KIF13B: variants seen among roughly 807,000 people sequenced by gnomAD.
KIF13B encodes the protein kinesin family member 13B, also known as kinesin-like protein KIF13B.
A neutral mutation model predicts 222.0 loss-of-function variants in KIF13B; 127 were observed. The ratio of observed to expected loss-of-function variants is 0.57; its 90% CI spans 0.50 to 0.66. The LOEUF (loss-of-function observed/expected upper bound fraction) is 0.66. KIF13B is among the 30% of genes least tolerant of loss of function. KIF13B has a pLI of 0.00. For missense variants in KIF13B, 2,173 were observed against 2,379.0 expected (o/e 0.91, Z 1.80); for synonymous variants, 976 against 919.0 (o/e 1.06, Z -1.12).
intron 2 of KIF13B, among the ~76,000 whole-genome samples, chr8:29,202,442 C>G (rs955132376): frequency 6.6e-6 from 1 of 152,100 alleles, no homozygotes; most frequent in African/African-American, 2.4e-5. Context: ...CTCAGCCTCC[C>G]AAGTAGCTGG....
chr8:29,255,577 TA>T (rs554446934), intron 1 of KIF13B, among the ~76,000 whole-genome samples: 44 of 151,790 alleles, frequency 2.9e-4, no homozygotes, highest in Non-Finnish European at 5.0e-4. Flanking sequence ...CTTTTTTTTT[TA>T]AAAAAAGGTA....
chr8:29,177,537 T>C lies in KIF13B; in HGVS notation c.762A>G (p.Leu254=). ...TCTTCGTTGCTCGTTCACTGCCAGC[T>C]AAATCCACCAGGCTGAGTTTGCCCA... The part of the protein sequence containing the change: ...EKVGKLSLVD[L]AGSERATKTG... The change falls in exon 9 of 40, where the codon TTA becomes TTG. Residue 254 remains leucine (L), a synonymous_variant. Coordinates refer to ENST00000524189, the MANE Select transcript of KIF13B (RefSeq NM_015254.4). 2 of 1,613,896 alleles carry C rather than the reference T, an allele frequency of 1.2e-6. No homozygotes were observed. The highest frequency in any genetic ancestry group is 3.3e-5 in the Admixed American group (2 of 60,034).
At chr8:29,080,801 T>C (rs1386109236) in intron 37 of KIF13B, among the ~76,000 whole-genome samples, 1 of 152,144 alleles carries the variant, frequency 6.6e-6, no homozygotes, top group East Asian at 1.9e-4. Context: ...ACTGTGCCCC[T>C]GCCTGCCACA....
chr8:29,126,755 C>T (rs1038684081), intron 25 of KIF13B, among the ~76,000 whole-genome samples: 2 of 152,130 alleles, frequency 1.3e-5, no homozygotes, highest in Non-Finnish European at 2.9e-5. Context: ...GCTCTCCCTG[C>T]TGGGTTTATA....
At chr8:29,237,244 G>T (rs536478662) in intron 2 of KIF13B, among the ~76,000 whole-genome samples, 2 of 151,526 alleles carry the variant, frequency 1.3e-5, no homozygotes, top group Non-Finnish European at 2.9e-5. Flanking sequence ...GACAAAGAGC[G>T]CTAAAAAAGT....
intron 14 of KIF13B, among the ~76,000 whole-genome samples, chr8:29,155,469 C>A (rs951330508): frequency 2.0e-5 from 3 of 152,120 alleles, no homozygotes; most frequent in African/African-American, 7.2e-5. Flanking sequence ...GGTGAGTGAA[C>A]CAGGAGGCAG....
chr8:29,216,743 C>CA (rs1426133735), intron 2 of KIF13B, among the ~76,000 whole-genome samples: 19 of 152,174 alleles, frequency 1.2e-4, no homozygotes, highest in African/African-American at 4.3e-4. Flanking sequence ...ATGCTTGTTT[C>CA]AAATTATCTT....
intron 2 of KIF13B, among the ~76,000 whole-genome samples, chr8:29,221,371 G>A (rs1239510303): frequency 1.3e-5 from 2 of 151,388 alleles, no homozygotes; most frequent in Non-Finnish European, 2.9e-5. Flanking sequence ...CCAAAATGCT[G>A]GGATTACAGG....
chr8:29,239,590 C>T (rs1300513343), intron 2 of KIF13B, among the ~76,000 whole-genome samples: 3 of 152,164 alleles, frequency 2.0e-5, no homozygotes, highest in Non-Finnish European at 2.9e-5. Context: ...GTACTATGTT[C>T]ACTGTCTGGA....
intron 21 of KIF13B, among the ~76,000 whole-genome samples, chr8:29,138,052 A>G (rs939129433): frequency 6.6e-6 from 1 of 152,230 alleles, no homozygotes; most frequent in Non-Finnish European, 1.5e-5. Flanking sequence ...AAACCAATTC[A>G]TTATTTTAAA....
chr8:29,123,544 C>CT lies in KIF13B; in HGVS notation c.3353-53dup, dbSNP rs1427856231. On this transcript the variant is annotated intron_variant, in intron 27 of 39. Coordinates refer to ENST00000524189, the MANE Select transcript of KIF13B (RefSeq NM_015254.4). The stretch of plus-strand genomic sequence containing the variant: ...TGACAAAACTTCACTTGCCATTTAT[C>CT]TTTTTGTCCTGAGTAAAGACTGGAT... 5 of 1,606,964 alleles carry CT rather than the reference C, an allele frequency of 3.1e-6. No homozygotes were observed. The African/African-American group carries it at 5.3e-5, about 17-fold the overall frequency.
At position 29,071,531 on chromosome 8, in the gene KIF13B, CCCGGACCCTGT is replaced by C; in HGVS notation, c.5218+78_5218+88del. On this transcript the variant is annotated intron_variant, in intron 39 of 39. Coordinates refer to ENST00000524189, the MANE Select transcript of KIF13B (RefSeq NM_015254.4). The surrounding 1 kb of genome is among the most constrained non-coding windows in gnomAD (Gnocchi z 4.9). ...TGCCTCCCGGCCCCTCCCTCTCCTG[CCCGGACCCTGT>C]CCCCTCCCAGGCCGGCCACGTTCCT... 2.4e-6 allele frequency: 3 copies of C among 1,242,334 alleles called. No homozygotes were observed. The highest frequency in any genetic ancestry group is 2.3e-6 in the Non-Finnish European group (2 of 883,120). 77.0% of individuals were successfully genotyped at this position (1,242,334 alleles called of 1,614,324 possible).
intron 36 of KIF13B, among the ~76,000 whole-genome samples, chr8:29,097,929 TG>T (rs918592424): frequency 6.6e-6 from 1 of 151,988 alleles, no homozygotes; most frequent in African/African-American, 2.4e-5. Context: ...CCCAGCACTT[TG>T]GGAGGCCAAG....
In KIF13B at chr8:29,186,492, A is replaced by G. The variant is rs1248597026; in HGVS notation, c.317-20T>C. ...CAGAGCCTAAAAAAATGGAAATCAG[A>G]GTTACTATTGTCTCTTTGAGACGTT... is the stretch of plus-strand genomic sequence containing the variant. On this transcript the variant is annotated intron_variant, in intron 5 of 39. Transcript: ENST00000524189. The G allele has an allele frequency of 6.3e-7, 1 of 1,592,250 alleles. No individual in the cohort carries two copies. Among genetic ancestry groups the G allele is most frequent in the South Asian group, 1.1e-5 (1 of 87,088 alleles).
At chr8:29,241,205 T>C (rs1815762667) in intron 2 of KIF13B, among the ~76,000 whole-genome samples, 1 of 152,206 alleles carries the variant, frequency 6.6e-6, no homozygotes, top group African/African-American at 2.4e-5. Context: ...CCACATCATG[T>C]ATGATTTCAT....
At chr8:29,150,169 C>T (rs1293999088) in intron 15 of KIF13B, 128 bp downstream of exon 15, 1 of 596,968 alleles carries the variant, frequency 1.7e-6, no homozygotes, top group East Asian at 2.9e-5. Flanking sequence ...AATACACATG[C>T]AGCAAATATA....
At position 29,155,823 on chromosome 8, in the gene KIF13B, C is replaced by G; in HGVS notation, c.1438G>C (p.Asp480His). 1.3e-6 allele frequency: 2 copies of G among 1,586,492 alleles called. No homozygotes were observed. Among genetic ancestry groups the G allele is most frequent in the Non-Finnish European group, 1.7e-6 (2 of 1,164,648 alleles). Residue 480 changes from aspartate (D) to histidine (H), a missense_variant, in exon 14 of 40, where the codon GAT becomes CAT. Physicochemically the swap from Asp to His is moderately conservative, Grantham distance 81. Around this residue, in one of 2 missense-constraint regions of KIF13B, gnomAD observed 1,480 missense variants for 1,722.8 expected, o/e 0.86. Coordinates refer to ENST00000524189, the MANE Select transcript of KIF13B (RefSeq NM_015254.4). ...ATTCCCATGCCGCACAGTTGGATAT[C>G]TTGGGAATTTGCTGACCCTATCAAT... ...HTLIGSANSQ[D>H]IQLCGMGILP...
chr8:29,121,976 C>T (rs927727933), intron 29 of KIF13B, among the ~76,000 whole-genome samples: 2 of 152,120 alleles, frequency 1.3e-5, no homozygotes, highest in African/African-American at 4.8e-5. Flanking sequence ...AAGAAGAAGC[C>T]GGGCGCAGTG....
chr8:29,204,652 T>C (rs1391445820), intron 2 of KIF13B, among the ~76,000 whole-genome samples: 1 of 152,218 alleles, frequency 6.6e-6, no homozygotes, highest in Non-Finnish European at 1.5e-5. Flanking sequence ...CACAGGGTAA[T>C]ACACACTCAT....
Sources: gnomAD v4.1 joint callset for allele counts (sites outside exome capture counted in the v4.1 genomes callset) on GRCh38, gnomAD v4.1.1 for gene constraint, gnomAD v4.1.1 regional missense constraint, Gnocchi (gnomAD v3.1) non-coding constraint, MANE v1.5 for transcripts, NCBI Gene and HGNC (gene_info 2026-07-23, HGNC 2026-07-21) for gene names.